NAV3: variants seen among roughly 807,000 people sequenced by gnomAD.
The protein encoded by NAV3 is pore membrane and/or filament interacting like protein 1.
NAV3 carries 87 observed loss-of-function variants against 244.7 expected under a neutral mutation model. The observed-to-expected ratio is 0.36, with a 90% CI of 0.30 to 0.42. The LOEUF (loss-of-function observed/expected upper bound fraction) is 0.42, where lower values mean the gene tolerates loss of function less well. Among genes scored for constraint, NAV3 ranks in the 20% least tolerant of loss-of-function variants. NAV3 has a pLI of 1.00. For missense variants in NAV3, 2,663 were observed against 2,893.3 expected (o/e 0.92, Z 1.83); for synonymous variants, 1,126 against 1,042.2 (o/e 1.08, Z -1.55).
At chr12:77,726,216 T>C (rs1592622809) in intron 2 of NAV3, among the ~76,000 whole-genome samples, 2 of 151,972 alleles carry the variant, frequency 1.3e-5, no homozygotes. Flanking sequence ...GTAATTTGTT[T>C]AGCATTTTTC....
chr12:78,185,796 C>A, intron 31 of NAV3, 98 bp downstream of exon 31: 2 of 1,008,404 alleles, frequency 2.0e-6, no homozygotes, highest in South Asian at 1.5e-5. Flanking sequence ...AAATATCCTA[C>A]AACAATTGTG....
intron 30 of NAV3, among the ~76,000 whole-genome samples, chr12:78,183,457 T>C (rs1958582481): frequency 6.6e-6 from 1 of 151,946 alleles, no homozygotes; most frequent in African/African-American, 2.4e-5. Flanking sequence ...ATTTTATAGC[T>C]GAGGAAGCCA....
chr12:77,799,992 A>G (rs958953458), intron 2 of NAV3, among the ~76,000 whole-genome samples: 1 of 152,206 alleles, frequency 6.6e-6, no homozygotes, highest in Non-Finnish European at 1.5e-5. Context: ...ATACAATTAG[A>G]TCAATGTCCT....
chr12:78,177,481 ATTTTCATTTTTCT>A, intron 27 of NAV3, 126 bp from the exon 28 acceptor site: 3 of 1,130,318 alleles, frequency 2.7e-6, no homozygotes, highest in African/African-American at 1.6e-5. Context: ...GGTTTCTTTC[ATTTTCATTTTTCT>A]TTTTCATTTT....
chr12:77,651,245 C>T (rs745642995), intron 2 of NAV3, among the ~76,000 whole-genome samples: 3 of 151,998 alleles, frequency 2.0e-5, no homozygotes, highest in Non-Finnish European at 4.4e-5. Flanking sequence ...CCTTTAAAAC[C>T]CAAGAGAACA....
chr12:77,679,602 AG>A (rs1874359327), intron 2 of NAV3, among the ~76,000 whole-genome samples: 1 of 152,170 alleles, frequency 6.6e-6, no homozygotes, highest in Non-Finnish European at 1.5e-5. Context: ...GGATGCTGAA[AG>A]GGCCTACTCA....
chr12:77,766,712 G>T (rs2135857970), intron 2 of NAV3, among the ~76,000 whole-genome samples: 1 of 128,564 alleles, frequency 7.8e-6, no homozygotes, highest in Non-Finnish European at 1.6e-5. Flanking sequence ...AAAATTCTAG[G>T]ATTCTAAAAA....
chr12:77,968,748 A>T, intron 5 of NAV3, 46 bp downstream of exon 5: 1 of 1,566,224 alleles, frequency 6.4e-7, no homozygotes, highest in Non-Finnish European at 8.7e-7. Context: ...GTTTGTGTAG[A>T]TACAACTTGT....
Position 77,576,134 on chromosome 12 carries a change from A to G in NAV3, c.72+3868A>G, listed in dbSNP as rs191996990. Among the ~76,000 whole-genome samples, 65 of 152,224 alleles carry G rather than the reference A, an allele frequency of 4.3e-4. 1 individual carries two copies. Among genetic ancestry groups the G allele is most frequent in the African/African-American group, 1.4e-3 (57 of 41,572 alleles). ...ATCACATCTGTCCTTCCGTCCTTCT[A>G]TGAGACTTCAGATTACTTCAGAAGT... On this transcript the variant is annotated intron_variant, in intron 2 of 8. Coordinates refer to the NAV3 transcript ENST00000550042.
intron 2 of NAV3, among the ~76,000 whole-genome samples, chr12:77,667,841 C>A (rs696469): frequency 0.03 from 4,576 of 152,176 alleles, 80 homozygotes; most frequent in Middle Eastern, 0.041. Context: ...GGAGGCCAAC[C>A]AACACAAAAC....
chr12:77,607,257 G>A (rs1299544704), intron 2 of NAV3, among the ~76,000 whole-genome samples: 3 of 151,928 alleles, frequency 2.0e-5, no homozygotes, highest in African/African-American at 7.2e-5. Flanking sequence ...AGTTATAATG[G>A]GCAGTTTTAT....
chr12:77,658,756 C>G (rs904386387), intron 2 of NAV3, among the ~76,000 whole-genome samples: 10 of 151,996 alleles, frequency 6.6e-5, no homozygotes, highest in Non-Finnish European at 1.3e-4. Flanking sequence ...GGTAGCAAAA[C>G]AGAGATATAG....
chr12:77,588,267 C>G (rs2136704690), intron 2 of NAV3, among the ~76,000 whole-genome samples: 1 of 151,514 alleles, frequency 6.6e-6, no homozygotes, highest in South Asian at 2.1e-4. Context: ...GTGCACACCA[C>G]CATATCCAGC....
chr12:78,155,051 G>A (rs1392462164), intron 22 of NAV3, among the ~76,000 whole-genome samples: 1 of 151,802 alleles, frequency 6.6e-6, no homozygotes, highest in Non-Finnish European at 1.5e-5. Flanking sequence ...GGCGTACATG[G>A]GCAGGATATG....
chr12:77,961,706 G>C (rs1892031752), intron 3 of NAV3, among the ~76,000 whole-genome samples: 1 of 134,538 alleles, frequency 7.4e-6, no homozygotes, highest in South Asian at 2.6e-4. Flanking sequence ...TATAATATAA[G>C]TAATGTATGT....
At chr12:77,686,413 TTTC>T (rs1312660620) in intron 2 of NAV3, among the ~76,000 whole-genome samples, 3 of 48,864 alleles carry the variant, frequency 6.1e-5, no homozygotes, top group African/African-American at 1.9e-4. Context: ...TTTTCTTTTC[TTTC>T]TTTCTTTCTT....
At chr12:77,915,568 G>A (rs1220261022) in intron 1 of NAV3, among the ~76,000 whole-genome samples, 11 of 148,430 alleles carry the variant, frequency 7.4e-5, no homozygotes. Flanking sequence ...AATTAATCTA[G>A]ATAGTATATT....
chr12:77,809,445 C>T (rs1872172954), intron 2 of NAV3, among the ~76,000 whole-genome samples: 1 of 152,218 alleles, frequency 6.6e-6, no homozygotes, highest in African/African-American at 2.4e-5. Flanking sequence ...ACCCCTTGTG[C>T]TTCCCGGGTG....
intron 2 of NAV3, among the ~76,000 whole-genome samples, chr12:77,682,027 T>C (rs924523787): frequency 3.3e-5 from 5 of 152,136 alleles, no homozygotes; most frequent in African/African-American, 9.7e-5. Flanking sequence ...TTTTCAACGA[T>C]GGAATTCATT....
Sources: gnomAD v4.1 joint callset for allele counts (sites outside exome capture counted in the v4.1 genomes callset) on GRCh38, gnomAD v4.1.1 for gene constraint, MANE v1.5 for transcripts, NCBI Gene and HGNC (gene_info 2026-07-23, HGNC 2026-07-21) for gene names.